The following KATNIP variants were observed in gnomAD, a reference collection of about 807,000 sequenced individuals.
KATNIP encodes katanin interacting protein.
Under a neutral mutation model 174.0 loss-of-function variants are expected in KATNIP, and 126 were observed. The observed-to-expected ratio is 0.72, with a 90% CI of 0.63 to 0.84. KATNIP has a LOEUF of 0.84. Among genes scored for constraint, KATNIP ranks in the 40% least tolerant of loss-of-function variants. KATNIP has a pLI of 0.00. For missense variants in KATNIP, 1,958 were observed against 2,109.7 expected, an observed-to-expected ratio of 0.93 and a Z score of 1.41; for synonymous variants, 810 against 835.7, an observed-to-expected ratio of 0.97 and a Z score of 0.53.
At chr16:27,578,255 C>A (rs1010005718) in intron 2 of KATNIP, among the ~76,000 whole-genome samples, 27 of 152,220 alleles carry the variant, frequency 1.8e-4, no homozygotes, top group African/African-American at 6.3e-4. Context: ...ATCTCTTGAA[C>A]CCAGGAGGTA....
At chr16:27,645,789 G>A (rs2076941969) in intron 5 of KATNIP, among the ~76,000 whole-genome samples, 2 of 152,184 alleles carry the variant, frequency 1.3e-5, no homozygotes, top group African/African-American at 4.8e-5. Flanking sequence ...TGTCTGCACT[G>A]AGTCTCTCCT....
At chr16:27,706,637 G>C (rs2079316836) in intron 12 of KATNIP, among the ~76,000 whole-genome samples, 1 of 152,210 alleles carries the variant, frequency 6.6e-6, no homozygotes, top group South Asian at 2.1e-4. Flanking sequence ...CACTTGCTTA[G>C]TTAACAGATC....
intron 3 of KATNIP, among the ~76,000 whole-genome samples, chr16:27,621,110 T>C (rs1271633387): frequency 1.3e-5 from 2 of 152,038 alleles, no homozygotes; most frequent in African/African-American, 4.8e-5. Flanking sequence ...ACCCCGTCTC[T>C]AAAATATTTT....
intron 6 of KATNIP, among the ~76,000 whole-genome samples, chr16:27,662,382 G>A (rs1390803533): frequency 6.6e-6 from 1 of 152,030 alleles, no homozygotes; most frequent in Non-Finnish European, 1.5e-5. Context: ...CCTTGACAGT[G>A]GCTCTTGACC....
chr16:27,590,340 CT>C (rs965946959), intron 2 of KATNIP, among the ~76,000 whole-genome samples: 83 of 144,000 alleles, frequency 5.8e-4, no homozygotes, highest in Admixed American at 6.3e-4. Context: ...TTCTTTCTTT[CT>C]TTTTTTTTTT....
chr16:27,596,530 C>A (rs763818395), intron 2 of KATNIP, among the ~76,000 whole-genome samples: 2 of 152,284 alleles, frequency 1.3e-5, no homozygotes, highest in East Asian at 3.9e-4. Context: ...AGTGTGGGAC[C>A]ATTGACAACT....
At chr16:27,603,731 C>CACTTCCTTT (rs2075611159) in intron 2 of KATNIP, among the ~76,000 whole-genome samples, 1 of 130,204 alleles carries the variant, frequency 7.7e-6, no homozygotes, top group African/African-American at 2.9e-5. Flanking sequence ...CAGCACTTCC[C>CACTTCCTTT]ACTTCCTTTT....
At chr16:27,731,040 A>T (rs923816499) in intron 14 of KATNIP, among the ~76,000 whole-genome samples, 2 of 151,950 alleles carry the variant, frequency 1.3e-5, no homozygotes, top group Non-Finnish European at 2.9e-5. Flanking sequence ...TGAGCATGTG[A>T]CCCCTTCACC....
intron 1 of KATNIP, among the ~76,000 whole-genome samples, chr16:27,552,280 T>C (rs2089413574): frequency 6.6e-6 from 1 of 152,258 alleles, no homozygotes; most frequent in East Asian, 1.9e-4. Flanking sequence ...AAATATATAA[T>C]TGGAGCAGAG....
chr16:27,726,805 G>A (rs1396967947), intron 14 of KATNIP, among the ~76,000 whole-genome samples: 2 of 152,222 alleles, frequency 1.3e-5, no homozygotes, highest in Non-Finnish European at 1.5e-5. Flanking sequence ...ACAGGGCACA[G>A]CAGGAGCAAA....
chr16:27,635,834 C>T (rs924879375), intron 5 of KATNIP, among the ~76,000 whole-genome samples: 2 of 152,090 alleles, frequency 1.3e-5, no homozygotes, highest in African/African-American at 2.4e-5. Context: ...AGCTTGCCAA[C>T]ATTTAAATTA....
intron 6 of KATNIP, among the ~76,000 whole-genome samples, chr16:27,664,966 G>A (rs903278738): frequency 3.9e-5 from 6 of 152,136 alleles, no homozygotes; most frequent in Admixed American, 2.0e-4. Flanking sequence ...GCCTGTCCCC[G>A]GCTATATTAA....
chr16:27,589,802 A>G (rs190171705), intron 2 of KATNIP, among the ~76,000 whole-genome samples: 323 of 150,706 alleles, frequency 2.1e-3, no homozygotes, highest in African/African-American at 7.4e-3. Context: ...TTATTTATTT[A>G]TTTATTTTGA....
At chr16:27,761,251 G>A (rs1363732280) in intron 18 of KATNIP, among the ~76,000 whole-genome samples, 162 bp from the exon 19 acceptor site, 1 of 152,226 alleles carries the variant, frequency 6.6e-6, no homozygotes, top group East Asian at 1.9e-4. Flanking sequence ...TGGGCCCAAG[G>A]CCACCTAGAG....
intron 14 of KATNIP, among the ~76,000 whole-genome samples, chr16:27,724,228 G>A (rs988392372): frequency 1.3e-5 from 2 of 152,060 alleles, no homozygotes; most frequent in African/African-American, 2.4e-5. Context: ...TTCTGGGGTC[G>A]GGTCCTCTCA....
At chr16:27,621,534 C>T (rs977048824) in intron 3 of KATNIP, among the ~76,000 whole-genome samples, 1 of 152,126 alleles carries the variant, frequency 6.6e-6, no homozygotes, top group Non-Finnish European at 1.5e-5. Context: ...GGAAGGTTCC[C>T]ATTGGCCTGG....
intron 6 of KATNIP, among the ~76,000 whole-genome samples, chr16:27,668,938 G>GGA (rs1463555734): frequency 1.3e-5 from 2 of 152,132 alleles, no homozygotes; most frequent in Non-Finnish European, 2.9e-5. Flanking sequence ...CCCAGGAGGT[G>GGA]GAGGTTGCAG....
intron 6 of KATNIP, among the ~76,000 whole-genome samples, chr16:27,667,662 T>C (rs2077731996): frequency 6.6e-6 from 1 of 152,148 alleles, no homozygotes; most frequent in African/African-American, 2.4e-5. Context: ...AGGACTGTCT[T>C]AAAGTTTCCA....
rs574780717 is a variant in KATNIP, at chr16:27,705,766, T to C, written c.1389+1768T>C. Among the ~76,000 whole-genome samples the C allele has an allele frequency of 2.0e-5, 3 of 152,248 alleles. No individual in the cohort carries two copies. The South Asian group carries it at 6.2e-4, about 32-fold the overall frequency. ...ATCACAGCTCACTGCAGCCTTGAAC[T>C]CCTTGCTCACTCGATCCTCCCACCT... On this transcript the variant is annotated intron_variant, in intron 12 of 27. Transcript: ENST00000261588.
Sources: gnomAD v4.1 joint callset for allele counts (sites outside exome capture counted in the v4.1 genomes callset) on GRCh38, gnomAD v4.1.1 for gene constraint, MANE v1.5 for transcripts, NCBI Gene and HGNC (gene_info 2026-07-23, HGNC 2026-07-21) for gene names.